Variants in ATRNL1 observed in about 807,000 individuals in gnomAD.
ATRNL1 encodes attractin-like protein 1.
A neutral mutation model predicts 182.7 loss-of-function variants in ATRNL1; 95 were observed. The ratio of observed to expected loss-of-function variants is 0.52; its 90% CI spans 0.44 to 0.62. ATRNL1 has a LOEUF of 0.62. ATRNL1 is among the 20% of genes least tolerant of loss of function. ATRNL1 has a pLI of 0.00. For missense variants in ATRNL1, 1,471 were observed against 1,679.5 expected (o/e 0.88, Z 2.17); for synonymous variants, 576 against 568.3 (o/e 1.01, Z -0.19).
At chr10:115,748,984 A>C (rs1948371573) in intron 27 of ATRNL1, among the ~76,000 whole-genome samples, 1 of 151,942 alleles carries the variant, frequency 6.6e-6, no homozygotes, top group Non-Finnish European at 1.5e-5. Context: ...ATTTTACTAG[A>C]GTCTATGATG....
intron 1 of ATRNL1, among the ~76,000 whole-genome samples, chr10:115,119,961 G>A (rs1844655450): frequency 6.6e-6 from 1 of 151,940 alleles, no homozygotes; most frequent in African/African-American, 2.4e-5. Context: ...AATTGAAATG[G>A]TCATGATATA....
chr10:115,879,958 AG>A (rs1951790471), intron 28 of ATRNL1, among the ~76,000 whole-genome samples: 1 of 152,208 alleles, frequency 6.6e-6, no homozygotes, highest in Non-Finnish European at 1.5e-5. Flanking sequence ...GAAATTGTTC[AG>A]AAGCTAGAAA....
chr10:115,722,649 A>C (rs541745782), intron 26 of ATRNL1, among the ~76,000 whole-genome samples: 1 of 152,274 alleles, frequency 6.6e-6, no homozygotes, highest in East Asian at 1.9e-4. Flanking sequence ...TTTGTAGCTC[A>C]AAACTAATGA....
chr10:115,608,386 A>G (rs1555018112), intron 26 of ATRNL1, among the ~76,000 whole-genome samples: 1 of 152,054 alleles, frequency 6.6e-6, no homozygotes, highest in East Asian at 1.9e-4. Flanking sequence ...CATTTGAAAA[A>G]CAGATCTGAA....
chr10:115,181,404 CCTAA>C (rs1847740780), intron 8 of ATRNL1, among the ~76,000 whole-genome samples: 1 of 151,582 alleles, frequency 6.6e-6, no homozygotes, highest in Admixed American at 6.6e-5. Context: ...TCTGAGCAGG[CCTAA>C]CTATTTGCGA....
chr10:115,462,592 CAG>C (rs1305033147), intron 22 of ATRNL1, among the ~76,000 whole-genome samples: 1 of 152,068 alleles, frequency 6.6e-6, no homozygotes, highest in Non-Finnish European at 1.5e-5. Context: ...AGCCTGGCGA[CAG>C]AGTGAGACTC....
At chr10:115,643,092 A>T (rs1859358504) in intron 26 of ATRNL1, among the ~76,000 whole-genome samples, 2 of 152,202 alleles carry the variant, frequency 1.3e-5, no homozygotes, top group African/African-American at 4.8e-5. Flanking sequence ...AAAAAACCTG[A>T]TCTAAGCTCC....
At chr10:115,591,656 A>G (rs1316257602) in intron 26 of ATRNL1, among the ~76,000 whole-genome samples, 1 of 152,208 alleles carries the variant, frequency 6.6e-6, no homozygotes, top group Non-Finnish European at 1.5e-5. Flanking sequence ...GACATTGTGT[A>G]GCTTTCTCAA....
At chr10:115,145,706 C>T (rs527324790) in intron 5 of ATRNL1, among the ~76,000 whole-genome samples, 4 of 152,244 alleles carry the variant, frequency 2.6e-5, no homozygotes, top group Non-Finnish European at 4.4e-5. Context: ...AGATTCAGTA[C>T]ATACTAAATC....
At chr10:115,113,753 T>G (rs1018104028) in intron 1 of ATRNL1, among the ~76,000 whole-genome samples, 2 of 152,196 alleles carry the variant, frequency 1.3e-5, no homozygotes, top group Admixed American at 1.3e-4. Flanking sequence ...AGGTATGTCT[T>G]TATCAGCAGC....
chr10:115,364,157 A>T (rs1156374545), intron 19 of ATRNL1, among the ~76,000 whole-genome samples: 1 of 142,908 alleles, frequency 7.0e-6, no homozygotes, highest in Non-Finnish European at 1.6e-5. Context: ...GTGAGCATGG[A>T]ATGTTCTTCC....
At chr10:115,127,514 A>G in intron 3 of ATRNL1, 79 bp from the exon 4 acceptor site, 1 of 1,234,152 alleles carries the variant, frequency 8.1e-7, no homozygotes, top group Non-Finnish European at 1.1e-6. Context: ...CCTGGTAAGA[A>G]TATTTCTGAG....
chr10:115,511,030 C>A (rs1456447500), intron 24 of ATRNL1, among the ~76,000 whole-genome samples: 1 of 151,886 alleles, frequency 6.6e-6, no homozygotes, highest in South Asian at 2.1e-4. Flanking sequence ...TAAACAATAT[C>A]CAAGGATTTA....
At chr10:115,660,288 A>G (rs1386651497) in intron 26 of ATRNL1, among the ~76,000 whole-genome samples, 2 of 152,170 alleles carry the variant, frequency 1.3e-5, no homozygotes, top group Non-Finnish European at 2.9e-5. Context: ...TAAACCTCCA[A>G]GTTTATGACC....
intron 8 of ATRNL1, among the ~76,000 whole-genome samples, chr10:115,192,713 C>G (rs541417236): frequency 6.7e-6 from 1 of 149,084 alleles, no homozygotes; most frequent in South Asian, 2.1e-4. Flanking sequence ...TTTCCAAATC[C>G]GTTTTTTTGT....
chr10:115,454,094 G>A (rs1847409677), intron 21 of ATRNL1, among the ~76,000 whole-genome samples: 1 of 152,016 alleles, frequency 6.6e-6, no homozygotes, highest in African/African-American at 2.4e-5. Context: ...TATGGTATAA[G>A]GGTCTAATTT....
chr10:115,379,201 A>G (rs1857846686), intron 19 of ATRNL1, among the ~76,000 whole-genome samples: 2 of 152,184 alleles, frequency 1.3e-5, no homozygotes, highest in Non-Finnish European at 1.5e-5. Flanking sequence ...AATCATCATC[A>G]TATATAAAAT....
chr10:115,944,786 G>A lies in ATRNL1; in HGVS notation c.*7G>A. 1 of 1,612,618 alleles carries A rather than the reference G, an allele frequency of 6.2e-7. No individual in the cohort carries two copies. Among genetic ancestry groups the A allele is most frequent in the South Asian group, 1.1e-5 (1 of 90,804 alleles). ...TCAAGGAACTTGTGTCTGAGAAATG[G>A]AAACCGCTCCTGTATATTCTGTACT... On this transcript the variant is annotated 3_prime_UTR_variant, in exon 29 of 29. Transcript: ENST00000355044.
In ATRNL1 at chr10:115,652,449, A is replaced by T. The variant is rs545928070; in HGVS notation, c.3796-74799A>T. On this transcript the variant is annotated intron_variant, in intron 26 of 28. Transcript: ENST00000355044. ...TTGTGATGCACATTTTATCCCTAAC[A>T]TATTAATAATATACCTATTTTCTAT... is the stretch of plus-strand genomic sequence containing the variant. 1.3e-4 allele frequency among the ~76,000 whole-genome samples: 20 copies of T among 152,256 alleles called. No homozygotes were observed. The South Asian group carries it at 4.1e-3, about 32-fold the overall frequency.
Sources: allele counts gnomAD v4.1 joint callset (sites outside exome capture counted in the v4.1 genomes callset), GRCh38; gene constraint gnomAD v4.1.1; transcripts MANE v1.5; gene names NCBI Gene and HGNC (gene_info 2026-07-23, HGNC 2026-07-21).